The following TG variants were observed in gnomAD, a reference collection of about 807,000 sequenced individuals.
TG encodes the protein thyroglobulin.
TG carries 270 observed loss-of-function variants against 324.7 expected under a neutral mutation model. That is an observed-to-expected ratio of 0.83 (90% CI 0.75 to 0.92). The LOEUF is 0.92. Ranked by LOEUF, TG falls within the 40% of genes least tolerant of loss-of-function variation. The pLI is 0.00. For missense variants in TG, 3,591 were observed against 3,456.4 expected, an observed-to-expected ratio of 1.04 and a Z score of -0.98; for synonymous variants, 1,401 against 1,327.0, an observed-to-expected ratio of 1.06 and a Z score of -1.21.
At chr8:133,121,581 T>C (rs1420911088) in intron 45 of TG, among the ~76,000 whole-genome samples, 1 of 152,234 alleles carries the variant, frequency 6.6e-6, no homozygotes, top group African/African-American at 2.4e-5. Flanking sequence ...AAAGCAGAGA[T>C]GCTGGCATCT....
At chr8:132,973,641 C>T (rs750415445) in intron 34 of TG, among the ~76,000 whole-genome samples, 25 of 152,272 alleles carry the variant, frequency 1.6e-4, no homozygotes, top group East Asian at 1.2e-3. Flanking sequence ...ATTCTGTCAC[C>T]GCTTACATCA....
intron 30 of TG, 74 bp downstream of exon 30, chr8:132,966,771 C>G: frequency 6.2e-7 from 1 of 1,605,480 alleles, no homozygotes; most frequent in South Asian, 1.1e-5. Context: ...TCTGGCAACT[C>G]CTGAGACACA....
intron 22 of TG, among the ~76,000 whole-genome samples, chr8:132,926,722 G>A (rs905280758): frequency 6.6e-6 from 1 of 152,184 alleles, no homozygotes; most frequent in Non-Finnish European, 1.5e-5. Context: ...TTACTGAGTG[G>A]TTACCATATA....
At chr8:132,949,042 G>A in intron 27 of TG, 99 bp downstream of exon 27, 2 of 1,073,346 alleles carry the variant, frequency 1.9e-6, no homozygotes, top group East Asian at 2.4e-5. Context: ...GGCCTGAGGA[G>A]CTTATACTTC....
intron 43 of TG, among the ~76,000 whole-genome samples, chr8:133,109,002 A>G (rs1244675428): frequency 6.6e-6 from 1 of 152,200 alleles, no homozygotes; most frequent in African/African-American, 2.4e-5. Context: ...TGCAATAGGC[A>G]TTTTTCATTA....
intron 16 of TG, among the ~76,000 whole-genome samples, chr8:132,906,029 C>T (rs780661918): frequency 5.9e-5 from 9 of 152,102 alleles, no homozygotes; most frequent in Non-Finnish European, 1.2e-4. Flanking sequence ...AGCTGATATT[C>T]GGCTCTGGCA....
At chr8:132,894,301 G>A (rs1388107965) in intron 11 of TG, among the ~76,000 whole-genome samples, 1 of 152,140 alleles carries the variant, frequency 6.6e-6, no homozygotes, top group Non-Finnish European at 1.5e-5. Context: ...CACACAGCAG[G>A]AGGGGAGAGG....
chr8:132,983,456 C>T (rs771015842), intron 35 of TG, 44 bp downstream of exon 35: 1 of 1,564,810 alleles, frequency 6.4e-7, no homozygotes, highest in South Asian at 1.1e-5. Context: ...AGTACCCCCT[C>T]ATTCATCTTC....
At chr8:133,054,218 A>G (rs933399327) in intron 41 of TG, among the ~76,000 whole-genome samples, 1 of 152,286 alleles carries the variant, frequency 6.6e-6, no homozygotes, top group Middle Eastern at 3.4e-3. Context: ...AAGCAGAGAT[A>G]AATGAGTGAG....
chr8:133,004,728 C>T (rs973959215), intron 35 of TG, among the ~76,000 whole-genome samples: 21 of 152,156 alleles, frequency 1.4e-4, no homozygotes, highest in African/African-American at 5.1e-4. Flanking sequence ...CTGACCCTGC[C>T]AACCACACAT....
chr8:132,895,517 A>G (rs1413938056), intron 11 of TG, among the ~76,000 whole-genome samples: 1 of 152,214 alleles, frequency 6.6e-6, no homozygotes, highest in Non-Finnish European at 1.5e-5. Flanking sequence ...TTCTTTCTAT[A>G]TCCCTGGTGC....
At position 132,935,896 on chromosome 8, in the gene TG, G is replaced by C. The variant is rs140402106; in HGVS notation, c.5041+32G>C. 8,147 of 1,568,558 alleles carry C rather than the reference G, an allele frequency of 5.2e-3. 36 individuals carry two copies. Among genetic ancestry groups the C allele is most frequent in the Middle Eastern group, 0.013 (58 of 4,344 alleles). The stretch of plus-strand genomic sequence containing the variant: ...TGGTCAGGCTGGTTGGCTTAGGCCC[G>C]CGGTGGCTTCACACGGTCATGTTTG... On this transcript the variant is annotated intron_variant, in intron 25 of 47. Transcript: ENST00000220616.
chr8:133,103,678 C>G (rs573699589), intron 43 of TG, among the ~76,000 whole-genome samples: 3 of 152,152 alleles, frequency 2.0e-5, no homozygotes, highest in South Asian at 4.2e-4. Context: ...AGCCCTTGGC[C>G]CTGAGCAAGC....
intron 27 of TG, 74 bp downstream of exon 27, chr8:132,949,017 A>G: frequency 3.6e-6 from 5 of 1,407,062 alleles, no homozygotes; most frequent in South Asian, 3.4e-5. Flanking sequence ...CTACTTTCTT[A>G]TGAGCCCTCC....
In TG at chr8:132,967,667, T is replaced by C. The variant is rs1293705352; in HGVS notation, c.5687-127T>C. ...CTTCCAGACTGGATGATCATGACAG[T>C]CTCAGGCCTCTGCCCTAACTAGGAG... On this transcript the variant is annotated intron_variant, in intron 30 of 47. Transcript: ENST00000220616. The C allele has an allele frequency of 9.6e-6, 10 of 1,042,792 alleles. No individual in the cohort carries two copies. The East Asian group carries it at 2.3e-4, about 24-fold the overall frequency. 64.6% of individuals were successfully genotyped at this position (1,042,792 alleles called of 1,614,324 possible).
chr8:132,896,101 G>T (rs116537236), intron 11 of TG, among the ~76,000 whole-genome samples: 2 of 152,236 alleles, frequency 1.3e-5, no homozygotes, highest in Non-Finnish European at 2.9e-5. Context: ...AATGCACACC[G>T]CTGTGTCTGG....
Position 132,971,859 on chromosome 8 carries a change from T to C in TG, c.6041T>C (p.Val2014Ala). ...PCCTGFGFLN[V>A]SQLKGGEVTC... The stretch of plus-strand genomic sequence containing the variant: ...TGCACTGGCTTTGGATTTCTAAATG[T>C]TTCCCAGTTAAAAGGTAATAATGGT... Residue 2014 changes from valine (V) to alanine (A), a missense_variant, in exon 33 of 48, where the codon GTT (valine) becomes GCT (alanine). By Grantham distance (64) the Val-to-Ala change is moderately conservative. Transcript: ENST00000220616. The C allele has an allele frequency of 6.2e-7, 1 of 1,612,688 alleles. No individual in the cohort carries two copies. The highest frequency in any genetic ancestry group is 8.5e-7 in the Non-Finnish European group (1 of 1,178,684).
intron 35 of TG, chr8:132,983,831 C>T (rs1020796714): frequency 1.0e-4 from 34 of 325,618 alleles, no homozygotes; most frequent in South Asian, 3.4e-4. Flanking sequence ...TTACAGTTAT[C>T]GGCCACACTG....
At chr8:133,050,716 A>G in intron 41 of TG, 1 of 784,170 alleles carries the variant, frequency 1.3e-6, no homozygotes, top group Non-Finnish European at 2.2e-6. Context: ...ACCAGGACTC[A>G]TGTGGAACTA....
Sources: allele counts gnomAD v4.1 joint callset (sites outside exome capture counted in the v4.1 genomes callset), GRCh38; gene constraint gnomAD v4.1.1; transcripts MANE v1.5; gene names NCBI Gene and HGNC (gene_info 2026-07-23, HGNC 2026-07-21).